Variants in CDK19 observed in about 807,000 individuals in gnomAD.
CDK19 encodes the protein cyclin dependent kinase 19.
In CDK19, 20 loss-of-function variants were observed where a neutral mutation model predicts 68.3. The observed-to-expected ratio is 0.29, with a 90% CI of 0.21 to 0.43. The LOEUF is 0.43. CDK19 is among the 20% of genes least tolerant of loss of function. The pLI, the probability that CDK19 is intolerant of heterozygous loss-of-function variation, is 1.00. For synonymous variants in CDK19, 221 were observed against 222.8 expected (o/e 0.99, Z 0.07); for missense variants, 339 against 623.5 (o/e 0.54, Z 4.86).
intron 1 of CDK19, among the ~76,000 whole-genome samples, chr6:110,782,678 GA>G (rs373565403): frequency 4.0e-5 from 6 of 150,282 alleles, no homozygotes; most frequent in African/African-American, 7.3e-5. Context: ...TTTACAATCA[GA>G]AAAAAAAATC....
At chr6:110,625,019 TAAG>T (rs1302353613) in intron 8 of CDK19, among the ~76,000 whole-genome samples, 2 of 152,226 alleles carry the variant, frequency 1.3e-5, no homozygotes, top group Non-Finnish European at 2.9e-5. Context: ...CCCTGGTATA[TAAG>T]AAGTACTCAT....
intron 4 of CDK19, among the ~76,000 whole-genome samples, chr6:110,656,388 T>A (rs934711039): frequency 6.6e-6 from 1 of 152,240 alleles, no homozygotes. Context: ...TTAGGTTCCA[T>A]AATTACATTA....
chr6:110,695,689 A>G (rs1211076954), intron 2 of CDK19, among the ~76,000 whole-genome samples: 1 of 152,172 alleles, frequency 6.6e-6, no homozygotes, highest in Admixed American at 6.5e-5. Flanking sequence ...CAGAAATACA[A>G]AAGATTATTC....
At chr6:110,723,844 C>G (rs1053481880) in intron 2 of CDK19, among the ~76,000 whole-genome samples, 1 of 152,110 alleles carries the variant, frequency 6.6e-6, no homozygotes, top group South Asian at 2.1e-4. Flanking sequence ...ATATTCTCAT[C>G]GCTTCTCGGC....
chr6:110,745,260 C>T (rs1777994969), intron 2 of CDK19, among the ~76,000 whole-genome samples: 1 of 151,930 alleles, frequency 6.6e-6, no homozygotes, highest in Non-Finnish European at 1.5e-5. Flanking sequence ...TACTTGAAAC[C>T]ATTTAGTAAG....
At chr6:110,645,714 G>T (rs1780515985) in intron 4 of CDK19, 1 of 421,986 alleles carries the variant, frequency 2.4e-6, no homozygotes, top group African/African-American at 2.1e-5. Flanking sequence ...ACGACGGCTG[G>T]AGGCCAACAG....
chr6:110,678,226 G>A (rs180701429), intron 2 of CDK19, among the ~76,000 whole-genome samples: 75 of 152,030 alleles, frequency 4.9e-4, no homozygotes, highest in African/African-American at 1.8e-3. Context: ...CTCTTTAAGT[G>A]ATCTCATCTA....
At chr6:110,636,483 G>T (rs1486617734) in intron 5 of CDK19, among the ~76,000 whole-genome samples, 1 of 152,178 alleles carries the variant, frequency 6.6e-6, no homozygotes, top group Non-Finnish European at 1.5e-5. Flanking sequence ...TGGAATTATG[G>T]TATGCCATAT....
At position 110,759,404 on chromosome 6, in the gene CDK19, T is replaced by TA. The variant is rs1157889434; in HGVS notation, c.129-13204dup. Among the ~76,000 whole-genome samples the TA allele has an allele frequency of 9.3e-3, 531 of 57,208 alleles. 12 individuals are homozygous for TA. The highest frequency in any genetic ancestry group is 0.018 in the African/African-American group (239 of 13,080). The allele number at this position is 57,208 out of a possible 152,430, so 37.5% of individuals were successfully genotyped here. A position where few individuals can be genotyped will look rare whatever the true frequency, so the allele number is the denominator to read the frequency against. ...TGGGCAACAGAGTGAGACTCCGTCT[T>TA]AAAAAAAAAAAAAAAAAAAAAAAAA... On this transcript the variant is annotated intron_variant, in intron 1 of 12. Coordinates refer to ENST00000368911, the MANE Select transcript of CDK19 (RefSeq NM_015076.5).
chr6:110,650,330 T>C (rs1780883923), intron 4 of CDK19, among the ~76,000 whole-genome samples: 1 of 152,182 alleles, frequency 6.6e-6, no homozygotes, highest in South Asian at 2.1e-4. Context: ...AACATAAGCA[T>C]GCTACTGGTA....
At chr6:110,796,809 A>G (rs1445828757) in intron 1 of CDK19, among the ~76,000 whole-genome samples, 2 of 149,738 alleles carry the variant, frequency 1.3e-5, no homozygotes, top group Non-Finnish European at 3.0e-5. Context: ...GAAGTTCGAG[A>G]CCAGCCTGGC....
At chr6:110,723,570 G>A (rs1454364484) in intron 2 of CDK19, among the ~76,000 whole-genome samples, 1 of 152,140 alleles carries the variant, frequency 6.6e-6, no homozygotes, top group Non-Finnish European at 1.5e-5. Flanking sequence ...CTAGGTTCCT[G>A]ACCTACAAAA....
chr6:110,680,340 C>T (rs1186827132), intron 2 of CDK19, among the ~76,000 whole-genome samples: 1 of 151,996 alleles, frequency 6.6e-6, no homozygotes, highest in Non-Finnish European at 1.5e-5. Context: ...ATAAGTGCTA[C>T]AAAATCCTAA....
At chr6:110,679,619 T>TA (rs975479002) in intron 2 of CDK19, among the ~76,000 whole-genome samples, 1 of 152,032 alleles carries the variant, frequency 6.6e-6, no homozygotes, top group Non-Finnish European at 1.5e-5. Context: ...TCTAAAAACA[T>TA]AAAAAATTTT....
At chr6:110,813,381 G>C (rs1213125389) in intron 1 of CDK19, 1 of 152,108 alleles carries the variant, frequency 6.6e-6, no homozygotes, top group Non-Finnish European at 1.5e-5. Context: ...AGCATGAGGA[G>C]TATGGGAAAA....
At position 110,614,533 on chromosome 6, in the gene CDK19, G is replaced by A; in HGVS notation, c.*2C>T. Reference sequence around the variant, plus strand: ...GGGCTGGCCTGGCCCAACGGGAGCTGGTCAGTACCGGTGGGCCTGGTGAGA... The same window carrying A: ...GGGCTGGCCTGGCCCAACGGGAGCTAGTCAGTACCGGTGGGCCTGGTGAGA... On this transcript the variant is annotated 3_prime_UTR_variant, in exon 13 of 13. Transcript: ENST00000368911. 6.2e-7 allele frequency: 1 copy of A among 1,613,906 alleles called. No individual in the cohort carries two copies. Among genetic ancestry groups the A allele is most frequent in the East Asian group, 2.2e-5 (1 of 44,886 alleles).
chr6:110,763,413 TG>T (rs1301357959), intron 1 of CDK19, among the ~76,000 whole-genome samples: 7 of 142,846 alleles, frequency 4.9e-5, no homozygotes, highest in African/African-American at 1.6e-4. Flanking sequence ...ACTCTTATTA[TG>T]TTTTTTTTTT....
chr6:110,654,551 A>G (rs1481617048), intron 4 of CDK19, among the ~76,000 whole-genome samples: 2 of 152,342 alleles, frequency 1.3e-5, no homozygotes, highest in South Asian at 4.1e-4. Context: ...GAGTAAACAA[A>G]TAAGTGAATG....
intron 1 of CDK19, among the ~76,000 whole-genome samples, chr6:110,790,111 T>C (rs1481146422): frequency 6.6e-6 from 1 of 152,232 alleles, no homozygotes; most frequent in Non-Finnish European, 1.5e-5. Flanking sequence ...GAAGGCATTG[T>C]ATATTTCTGG....
Sources: gnomAD v4.1 joint callset for allele counts (sites outside exome capture counted in the v4.1 genomes callset) on GRCh38, gnomAD v4.1.1 for gene constraint, MANE v1.5 for transcripts, NCBI Gene and HGNC (gene_info 2026-07-23, HGNC 2026-07-21) for gene names.